SEC24D: variants seen among roughly 807,000 people sequenced by gnomAD.
SEC24D encodes the protein protein transport protein Sec24D.
A neutral mutation model predicts 116.9 loss-of-function variants in SEC24D; 69 were observed. That is an observed-to-expected ratio of 0.59 (90% CI 0.49 to 0.72). The LOEUF (loss-of-function observed/expected upper bound fraction) is 0.72, where lower values mean the gene tolerates loss of function less well. Ranked by LOEUF, SEC24D falls within the 30% of genes least tolerant of loss-of-function variation. SEC24D has a pLI of 0.00. For missense variants in SEC24D, 1,131 were observed against 1,264.1 expected, an observed-to-expected ratio of 0.89 and a Z score of 1.60; for synonymous variants, 405 against 442.8, an observed-to-expected ratio of 0.91 and a Z score of 1.07.
At chr4:118,759,239 ACATGC>A (rs1470278959) in intron 10 of SEC24D, among the ~76,000 whole-genome samples, 1 of 152,176 alleles carries the variant, frequency 6.6e-6, no homozygotes, top group Non-Finnish European at 1.5e-5. Flanking sequence ...TAACGTCACT[ACATGC>A]CAACTCAAGG....
chr4:118,738,013 G>C (rs1726047110), intron 19 of SEC24D: 1 of 346,748 alleles, frequency 2.9e-6, no homozygotes, highest in Non-Finnish European at 5.3e-6. Flanking sequence ...ACATTCTTTT[G>C]TTTATACATA....
intron 8 of SEC24D, 39 bp downstream of exon 8, chr4:118,797,644 T>A (rs761838718): frequency 6.8e-7 from 1 of 1,464,008 alleles, no homozygotes; most frequent in Non-Finnish European, 9.2e-7. Context: ...AATTTTGGAA[T>A]TGATAAATTA....
At chr4:118,827,138 G>A (rs1041794165) in intron 2 of SEC24D, among the ~76,000 whole-genome samples, 5 of 152,212 alleles carry the variant, frequency 3.3e-5, no homozygotes, top group African/African-American at 7.2e-5. Context: ...AGGATGGCAC[G>A]ACCAGGACAG....
chr4:118,808,462 A>C (rs1729765973), intron 6 of SEC24D, among the ~76,000 whole-genome samples: 1 of 152,230 alleles, frequency 6.6e-6, no homozygotes, highest in Non-Finnish European at 1.5e-5. Context: ...CCTGCCTCCA[A>C]AGAAACAGTG....
At chr4:118,767,737 TAA>T (rs1727706210) in intron 9 of SEC24D, among the ~76,000 whole-genome samples, 1 of 152,132 alleles carries the variant, frequency 6.6e-6, no homozygotes, top group African/African-American at 2.4e-5. Flanking sequence ...AAAATCTATA[TAA>T]GTGTTAAAGC....
intron 11 of SEC24D, 138 bp downstream of exon 11, chr4:118,757,582 AT>A: frequency 1.5e-6 from 1 of 657,208 alleles, no homozygotes; most frequent in Non-Finnish European, 2.6e-6. Flanking sequence ...CAAAACAATG[AT>A]GCTGTTTGAT....
intron 3 of SEC24D, among the ~76,000 whole-genome samples, chr4:118,820,250 G>A (rs1009041978): frequency 5.4e-5 from 8 of 147,516 alleles, no homozygotes; most frequent in South Asian, 2.1e-4. Context: ...GCAAGATCTC[G>A]GCTCACTGCA....
chr4:118,803,959 G>C (rs1293715397), intron 7 of SEC24D, among the ~76,000 whole-genome samples: 1 of 152,070 alleles, frequency 6.6e-6, no homozygotes, highest in African/African-American at 2.4e-5. Flanking sequence ...CTCAGGTTTA[G>C]CATAGAGGCC....
chr4:118,769,189 CG>C (rs1727784514), intron 8 of SEC24D, among the ~76,000 whole-genome samples: 1 of 152,070 alleles, frequency 6.6e-6, no homozygotes, highest in East Asian at 1.9e-4. Context: ...CAGAAAAAAA[CG>C]TTTCACAGAA....
chr4:118,803,815 A>G (rs1436793816), intron 7 of SEC24D, among the ~76,000 whole-genome samples: 1 of 152,196 alleles, frequency 6.6e-6, no homozygotes, highest in Non-Finnish European at 1.5e-5. Context: ...ATTAATGCCT[A>G]TCTCGTAACA....
intron 17 of SEC24D, 55 bp from the exon 18 acceptor site, chr4:118,739,342 C>A: frequency 6.5e-7 from 1 of 1,542,706 alleles, no homozygotes; most frequent in South Asian, 1.2e-5. Context: ...TCCACCCAAG[C>A]TAACTTGATC....
chr4:118,770,218 C>T (rs1727836005), intron 8 of SEC24D, among the ~76,000 whole-genome samples: 1 of 152,136 alleles, frequency 6.6e-6, no homozygotes, highest in African/African-American at 2.4e-5. Flanking sequence ...GATGTATACA[C>T]CACTCTTTCA....
At position 118,723,382 on chromosome 4, in the gene SEC24D, G is replaced by T; in HGVS notation, c.*133C>A. The T allele has an allele frequency of 1.1e-6, 1 of 873,264 alleles. No individual in the cohort carries two copies. Among genetic ancestry groups the T allele is most frequent in the Non-Finnish European group, 1.7e-6 (1 of 578,868 alleles). 54.1% of individuals were successfully genotyped at this position (873,264 alleles called of 1,614,324 possible). On this transcript the variant is annotated 3_prime_UTR_variant, in exon 23 of 23. Transcript: ENST00000280551. ...GAGCACCAAAGCTGAAGTTCTAAAT[G>T]CCATCTCTTCCTGGAAAGTTATTCT...
intron 11 of SEC24D, among the ~76,000 whole-genome samples, chr4:118,754,803 C>A (rs1377904470): frequency 2.6e-5 from 4 of 152,072 alleles, no homozygotes; most frequent in Non-Finnish European, 4.4e-5. Flanking sequence ...TGAGAGCTTA[C>A]CAGCACACCA....
intron 8 of SEC24D, among the ~76,000 whole-genome samples, chr4:118,783,247 T>C (rs1191837178): frequency 6.6e-6 from 1 of 152,210 alleles, no homozygotes; most frequent in Non-Finnish European, 1.5e-5. Flanking sequence ...AACAGACCCC[T>C]GAGGGTCTGA....
chr4:118,763,618 T>G (rs1223014804), intron 10 of SEC24D, among the ~76,000 whole-genome samples: 2 of 152,212 alleles, frequency 1.3e-5, no homozygotes, highest in African/African-American at 4.8e-5. Context: ...GATGTGATTT[T>G]CAAATCAGTG....
chr4:118,762,052 GT>G (rs1479267252), intron 10 of SEC24D, among the ~76,000 whole-genome samples: 1 of 151,626 alleles, frequency 6.6e-6, no homozygotes, highest in Non-Finnish European at 1.5e-5. Context: ...TAGGCATCTG[GT>G]AATGTCAAAG....
At chr4:118,796,677 C>A (rs534115952) in intron 8 of SEC24D, among the ~76,000 whole-genome samples, 1 of 152,360 alleles carries the variant, frequency 6.6e-6, no homozygotes, top group African/African-American at 2.4e-5. Flanking sequence ...GCTTCCTCCT[C>A]CCCTTCCTCA....
intron 1 of SEC24D, 73 bp from the exon 2 acceptor site, chr4:118,833,810 T>A: frequency 3.0e-6 from 2 of 669,532 alleles, no homozygotes; most frequent in Non-Finnish European, 5.2e-6. Flanking sequence ...ATATAAACAC[T>A]GTTATTACAT....
Sources: allele counts gnomAD v4.1 joint callset (sites outside exome capture counted in the v4.1 genomes callset), GRCh38; gene constraint gnomAD v4.1.1; transcripts MANE v1.5; gene names NCBI Gene and HGNC (gene_info 2026-07-23, HGNC 2026-07-21).